The following RAD51B variants were observed in gnomAD, a reference collection of about 807,000 sequenced individuals.
RAD51B encodes the protein DNA repair protein RAD51 homolog 2.
In RAD51B, 38 loss-of-function variants were observed where a neutral mutation model predicts 42.2. The observed-to-expected ratio is 0.90, with a 90% CI of 0.70 to 1.18. RAD51B has a LOEUF of 1.18. Ranked by LOEUF, RAD51B falls within the 50% of genes most tolerant of loss-of-function variation. The probability of loss-of-function intolerance (pLI) is 0.00; values close to 1 mark genes in which losing one functional copy is unlikely to be tolerated. For synonymous variants in RAD51B, 154 were observed against 145.2 expected, an observed-to-expected ratio of 1.06 and a Z score of -0.43; for missense variants, 373 against 400.7, an observed-to-expected ratio of 0.93 and a Z score of 0.59.
intron 10 of RAD51B, among the ~76,000 whole-genome samples, chr14:68,632,971 T>C (rs1892265853): frequency 9.4e-5 from 1 of 10,598 alleles, no homozygotes; most frequent in African/African-American, 1.8e-3. Context: ...TCTTTTTCTT[T>C]TTTTTTTTTT....
chr14:68,494,508 A>C (rs879268344), intron 10 of RAD51B, among the ~76,000 whole-genome samples: 1 of 152,164 alleles, frequency 6.6e-6, no homozygotes, highest in African/African-American at 2.4e-5. Context: ...GCTATCTCTG[A>C]AAGACGGTGA....
At chr14:68,024,066 G>T (rs1468701064) in intron 7 of RAD51B, among the ~76,000 whole-genome samples, 1 of 152,002 alleles carries the variant, frequency 6.6e-6, no homozygotes, top group Non-Finnish European at 1.5e-5. Context: ...TCTTTATATG[G>T]CTAGCCAGCT....
At chr14:68,673,785 A>C (rs1210797995) in intron 11 of RAD51B, among the ~76,000 whole-genome samples, 1 of 151,930 alleles carries the variant, frequency 6.6e-6, no homozygotes, top group African/African-American at 2.4e-5. Flanking sequence ...ACACATACAC[A>C]TACTATATGC....
At chr14:68,427,736 T>C (rs1483368531) in intron 9 of RAD51B, among the ~76,000 whole-genome samples, 1 of 152,200 alleles carries the variant, frequency 6.6e-6, no homozygotes, top group Non-Finnish European at 1.5e-5. Flanking sequence ...CTTTGGACTT[T>C]TAAGTTGATG....
chr14:68,072,070 A>AAATATATATAATTATATATAATT (rs1595359041), intron 7 of RAD51B, among the ~76,000 whole-genome samples: 67 of 104,542 alleles, frequency 6.4e-4, no homozygotes, highest in African/African-American at 2.7e-3. Context: ...TATTTATATA[A>AAATATATATAATTATATATAATT]ATATATAAAT....
At chr14:68,206,598 A>T (rs914828896) in intron 7 of RAD51B, among the ~76,000 whole-genome samples, 1 of 151,976 alleles carries the variant, frequency 6.6e-6, no homozygotes, top group Non-Finnish European at 1.5e-5. Context: ...TCAGTGGTTG[A>T]TACTGTACCA....
At chr14:67,941,569 A>C (rs1231041143) in intron 7 of RAD51B, among the ~76,000 whole-genome samples, 7 of 152,190 alleles carry the variant, frequency 4.6e-5, no homozygotes, top group African/African-American at 1.7e-4. Context: ...TTTCTCTCTT[A>C]AACTTGCCTA....
At chr14:67,936,478 T>C (rs994759126) in intron 7 of RAD51B, among the ~76,000 whole-genome samples, 4 of 152,252 alleles carry the variant, frequency 2.6e-5, no homozygotes, top group Non-Finnish European at 4.4e-5. Context: ...AGAACTCATT[T>C]TGTTTATCCA....
intron 7 of RAD51B, among the ~76,000 whole-genome samples, chr14:67,924,214 C>T (rs1036288221): frequency 6.6e-6 from 1 of 152,114 alleles, no homozygotes; most frequent in Non-Finnish European, 1.5e-5. Flanking sequence ...TTTTGCTGTG[C>T]AGAGGCTTTT....
intron 7 of RAD51B, among the ~76,000 whole-genome samples, chr14:67,967,704 G>T (rs2074810156): frequency 6.6e-6 from 1 of 152,204 alleles, no homozygotes; most frequent in African/African-American, 2.4e-5. Flanking sequence ...CTCTGCACCT[G>T]TGGCTTTGCA....
chr14:67,854,522 T>C (rs1292383082), intron 4 of RAD51B, among the ~76,000 whole-genome samples: 1 of 151,526 alleles, frequency 6.6e-6, no homozygotes, highest in Non-Finnish European at 1.5e-5. Flanking sequence ...TTGTGCCAGC[T>C]ACTTGGGAGG....
chr14:68,603,484 A>G (rs1290716396), intron 10 of RAD51B, among the ~76,000 whole-genome samples: 1 of 152,232 alleles, frequency 6.6e-6, no homozygotes, highest in Non-Finnish European at 1.5e-5. Flanking sequence ...TTTTACAACC[A>G]TAAAACATGT....
chr14:68,356,890 G>A (rs996128169), intron 8 of RAD51B, among the ~76,000 whole-genome samples: 8 of 150,226 alleles, frequency 5.3e-5, no homozygotes, highest in Admixed American at 3.4e-4. Context: ...GGCTGAGGCA[G>A]GAGAATGGCA....
intron 4 of RAD51B, among the ~76,000 whole-genome samples, chr14:67,845,054 C>T (rs2041564300): frequency 6.6e-6 from 1 of 152,160 alleles, no homozygotes; most frequent in African/African-American, 2.4e-5. Flanking sequence ...GACTCTTTGT[C>T]CAACTTGCCA....
At chr14:68,526,445 G>A (rs11849344) in intron 10 of RAD51B, among the ~76,000 whole-genome samples, 33,130 of 152,176 alleles carry the variant, frequency 0.22, 4,041 homozygotes, top group Middle Eastern at 0.37. Context: ...ACATGTGACC[G>A]TATTATACGT....
At chr14:68,196,982 A>G (rs570184604) in intron 7 of RAD51B, among the ~76,000 whole-genome samples, 54 of 152,342 alleles carry the variant, frequency 3.5e-4, no homozygotes, top group African/African-American at 1.2e-3. Flanking sequence ...GAAATCCTAT[A>G]AACAATGGCT....
chr14:68,186,411 C>A (rs1393401860), intron 7 of RAD51B, among the ~76,000 whole-genome samples: 1 of 152,158 alleles, frequency 6.6e-6, no homozygotes, highest in East Asian at 1.9e-4. Flanking sequence ...AAACTATCAA[C>A]AGAGTAAACA....
At chr14:68,224,210 G>C (rs892931084) in intron 7 of RAD51B, among the ~76,000 whole-genome samples, 1 of 152,164 alleles carries the variant, frequency 6.6e-6, no homozygotes, top group Non-Finnish European at 1.5e-5. Context: ...TGTTTTGTTT[G>C]TTACTTGTTT....
At chr14:68,467,651 A>G (rs1594880914) in intron 9 of RAD51B, among the ~76,000 whole-genome samples, 1 of 152,264 alleles carries the variant, frequency 6.6e-6, no homozygotes, top group Non-Finnish European at 1.5e-5. Context: ...GCCATGGGAA[A>G]TGCTCTACAC....
Sources: gnomAD v4.1 joint callset for allele counts (sites outside exome capture counted in the v4.1 genomes callset) on GRCh38, gnomAD v4.1.1 for gene constraint, MANE v1.5 for transcripts, NCBI Gene and HGNC (gene_info 2026-07-23, HGNC 2026-07-21) for gene names.